The following MINK1 variants were observed in gnomAD, a reference collection of about 807,000 sequenced individuals.
MINK1 encodes misshapen like kinase 1.
Under a neutral mutation model 178.4 loss-of-function variants are expected in MINK1, and 46 were observed. That is an observed-to-expected ratio of 0.26 (90% CI 0.20 to 0.33). MINK1 has a LOEUF of 0.33. MINK1 is among the 10% of genes least tolerant of loss of function. The pLI is 1.00. For synonymous variants in MINK1, 797 were observed against 709.7 expected (o/e 1.12, Z -1.96); for missense variants, 1,366 against 1,814.9 (o/e 0.75, Z 4.49).
At chr17:4,846,216 C>T (rs1460769637) in intron 1 of MINK1, among the ~76,000 whole-genome samples, 1 of 152,182 alleles carries the variant, frequency 6.6e-6, no homozygotes, top group Non-Finnish European at 1.5e-5. Context: ...CAGGCAGAAG[C>T]CTGCAGTGCA....
intron 1 of MINK1, among the ~76,000 whole-genome samples, chr17:4,866,527 T>C (rs368485316): frequency 1.3e-3 from 195 of 149,862 alleles, no homozygotes; most frequent in African/African-American, 4.3e-3. Context: ...AGTTAAGTGG[T>C]CCTTGAACAC....
chr17:4,835,363 C>T (rs1328093852), intron 1 of MINK1, among the ~76,000 whole-genome samples: 3 of 152,148 alleles, frequency 2.0e-5, no homozygotes, highest in East Asian at 1.9e-4. Flanking sequence ...GCGAGGTGCT[C>T]ACACCTGTAA....
rs779477428 is a variant in MINK1, at chr17:4,896,049, C to T, written c.3411C>T (p.Ser1137=). 1.7e-5 allele frequency: 27 copies of T among 1,607,152 alleles called. No homozygotes were observed. The highest frequency in any genetic ancestry group is 1.1e-4 in the East Asian group (5 of 44,602). Residue 1137 remains serine (S), a synonymous_variant, in exon 28 of 32, where the codon TCC becomes TCT. Coordinates refer to ENST00000355280, the MANE Select transcript of MINK1 (RefSeq NM_153827.5). The surrounding 1 kb of genome is among the most constrained non-coding windows in gnomAD (Gnocchi z 4.6). ...IKFLVIALKS[S]VEVYAWAPKP... is the part of the protein sequence containing the mutation. Reference sequence around the variant, plus strand: ...TCCTGGTCATCGCCCTCAAGAGCTCCGTGGAGGTGTATGCCTGGGCCCCCA... The same window carrying T: ...TCCTGGTCATCGCCCTCAAGAGCTCTGTGGAGGTGTATGCCTGGGCCCCCA...
At chr17:4,849,082 C>T (rs1450092106) in intron 1 of MINK1, among the ~76,000 whole-genome samples, 2 of 152,120 alleles carry the variant, frequency 1.3e-5, no homozygotes, top group Non-Finnish European at 2.9e-5. Flanking sequence ...GTCAGTGAGC[C>T]CCAGGTGTAG....
intron 1 of MINK1, among the ~76,000 whole-genome samples, chr17:4,871,873 A>G (rs371310434): frequency 6.6e-6 from 1 of 152,114 alleles, no homozygotes; most frequent in Non-Finnish European, 1.5e-5. Context: ...TAGGGAGGTG[A>G]TCTCACTCTG....
chr17:4,892,013 G>GAC (rs1968870824), intron 16 of MINK1, 136 bp from the exon 17 acceptor site: 13 of 798,598 alleles, frequency 1.6e-5, no homozygotes, highest in Non-Finnish European at 2.5e-5. Context: ...AACCCTGGAC[G>GAC]TATTCACTAA....
At position 4,886,238 on chromosome 17, in the gene MINK1, CT is replaced by C. The variant is rs749211196; in HGVS notation, c.773+41del. 1.2e-6 allele frequency: 2 copies of C among 1,600,300 alleles called. No individual in the cohort carries two copies. The highest frequency in any genetic ancestry group is 3.3e-5 in the Admixed American group (2 of 60,000). ...GTGTGGGCTCTGGGAAGGAAGGTCC[CT>C]GGACAAGGCCATCCCCACCTTCATG... On this transcript the variant is annotated intron_variant, in intron 9 of 31. Coordinates refer to ENST00000355280, the MANE Select transcript of MINK1 (RefSeq NM_153827.5). This position sits in a 1 kb window ranked among gnomAD's most constrained non-coding sequence, Gnocchi z 6.1.
At chr17:4,882,368 C>T (rs181595471) in intron 4 of MINK1, among the ~76,000 whole-genome samples, 29 of 152,360 alleles carry the variant, frequency 1.9e-4, no homozygotes, top group African/African-American at 6.5e-4. Context: ...GAGCCATCTT[C>T]TCTGCCTGCG....
chr17:4,866,609 CAAAA>C (rs33971421), intron 1 of MINK1, among the ~76,000 whole-genome samples: 7 of 141,434 alleles, frequency 4.9e-5, no homozygotes, highest in Non-Finnish European at 9.2e-5. Flanking sequence ...CTGATTCTAC[CAAAA>C]AAAAAAAAAA....
At chr17:4,874,109 T>C (rs1966952342) in intron 1 of MINK1, among the ~76,000 whole-genome samples, 1 of 152,232 alleles carries the variant, frequency 6.6e-6, no homozygotes, top group South Asian at 2.1e-4. Context: ...GTTTATGATA[T>C]ATAATCGTAG....
chr17:4,879,210 T>C (rs1967474422), intron 2 of MINK1, among the ~76,000 whole-genome samples: 1 of 151,308 alleles, frequency 6.6e-6, no homozygotes, highest in South Asian at 2.1e-4. Flanking sequence ...TGGGAGCCGC[T>C]GCAGCAGGGA....
At chr17:4,875,716 G>T (rs1032982785) in intron 1 of MINK1, among the ~76,000 whole-genome samples, 9 of 151,900 alleles carry the variant, frequency 5.9e-5, no homozygotes, top group Non-Finnish European at 1.3e-4. Flanking sequence ...AGGTTGCGGT[G>T]AGCCAAGATC....
At chr17:4,877,097 A>C (rs1336666799) in intron 1 of MINK1, among the ~76,000 whole-genome samples, 1 of 151,868 alleles carries the variant, frequency 6.6e-6, no homozygotes, top group Admixed American at 6.6e-5. Flanking sequence ...AAAAGAAAAA[A>C]AAAAAAAAGA....
intron 1 of MINK1, among the ~76,000 whole-genome samples, chr17:4,843,996 T>G (rs968182511): frequency 1.1e-4 from 16 of 151,990 alleles, no homozygotes; most frequent in African/African-American, 3.9e-4. Flanking sequence ...TTCTGCCTGT[T>G]TTTTGGTTTC....
At chr17:4,875,632 C>T (rs1009339290) in intron 1 of MINK1, 11 of 358,596 alleles carry the variant, frequency 3.1e-5, no homozygotes, top group Admixed American at 3.5e-5. Context: ...ATTAGCTGGG[C>T]GTGGTGGCAC....
In MINK1 at chr17:4,892,700, A is replaced by G. The variant is rs750842007; in HGVS notation, c.2243A>G (p.Asp748Gly). The G allele has an allele frequency of 5.6e-6, 9 of 1,611,980 alleles. No individual in the cohort carries two copies. The highest frequency in any genetic ancestry group is 7.6e-6 in the Non-Finnish European group (9 of 1,179,468). ...RRSDPGWERS[D>G]SVLPASHGHL... ...AGCGACCCTGGCTGGGAACGCTCGG[A>G]CAGCGTCCTTCCAGCCTCTCACGGG... Residue 748 changes from aspartate to glycine, a missense_variant, in exon 19 of 32, where the codon GAC becomes GGC. This residue lies in a region of MINK1 where 709 missense variants were observed against 692.3 expected (regional missense o/e 1.02). Transcript: ENST00000355280.
chr17:4,847,202 G>A (rs756460856), intron 1 of MINK1: 6 of 479,686 alleles, frequency 1.3e-5, no homozygotes, highest in Admixed American at 2.2e-5. Context: ...ATGAGGAGCC[G>A]GGTGACCTGG....
intron 1 of MINK1, among the ~76,000 whole-genome samples, chr17:4,839,513 G>GTATA (rs1364157719): frequency 6.6e-6 from 1 of 152,172 alleles, no homozygotes; most frequent in Non-Finnish European, 1.5e-5. Flanking sequence ...TTCACACAGA[G>GTATA]TATAGTAAGA....
intron 1 of MINK1, among the ~76,000 whole-genome samples, chr17:4,838,021 G>A (rs1909571993): frequency 6.6e-6 from 1 of 152,166 alleles, no homozygotes; most frequent in Non-Finnish European, 1.5e-5. Context: ...GAGCAACGTG[G>A]GACTGCCTCT....
Sources: allele counts gnomAD v4.1 joint callset (sites outside exome capture counted in the v4.1 genomes callset), GRCh38; gene constraint gnomAD v4.1.1; regional missense constraint gnomAD v4.1.1; non-coding constraint Gnocchi (gnomAD v3.1); transcripts MANE v1.5; gene names NCBI Gene and HGNC (gene_info 2026-07-23, HGNC 2026-07-21).